Variants in EYA1 observed in about 807,000 individuals in gnomAD.
EYA1 encodes the protein protein phosphatase EYA1.
In EYA1, 16 loss-of-function variants were observed where a neutral mutation model predicts 82.0. The ratio of observed to expected loss-of-function variants is 0.20; its 90% CI spans 0.13 to 0.30. The LOEUF is 0.30. Ranked by LOEUF, EYA1 falls within the 10% of genes least tolerant of loss-of-function variation. The probability of loss-of-function intolerance (pLI) is 1.00; values close to 1 mark genes in which losing one functional copy is unlikely to be tolerated. For missense variants in EYA1, 633 were observed against 730.7 expected, an observed-to-expected ratio of 0.87 and a Z score of 1.54; for synonymous variants, 261 against 264.4, an observed-to-expected ratio of 0.99 and a Z score of 0.12.
intron 1 of EYA1, among the ~76,000 whole-genome samples, chr8:71,544,556 C>A (rs2129294260): frequency 6.6e-6 from 1 of 152,346 alleles, no homozygotes; most frequent in East Asian, 1.9e-4. Flanking sequence ...AATTTTTCTT[C>A]TGCACCAACA....
intron 9 of EYA1, among the ~76,000 whole-genome samples, chr8:71,291,476 T>G (rs371097429): frequency 4.0e-4 from 61 of 152,296 alleles, no homozygotes; most frequent in South Asian, 4.1e-4. Flanking sequence ...TCAGCACACG[T>G]GAAGGTAGAT....
intron 2 of EYA1, among the ~76,000 whole-genome samples, chr8:71,389,918 A>G (rs1829179904): frequency 6.6e-6 from 1 of 152,068 alleles, no homozygotes. Context: ...ATACATTTAT[A>G]TTTTTCTCCG....
chr8:71,368,853 A>C (rs1827912298), intron 2 of EYA1, among the ~76,000 whole-genome samples: 1 of 151,958 alleles, frequency 6.6e-6, no homozygotes, highest in Non-Finnish European at 1.5e-5. Context: ...CCCACGAATG[A>C]CTTATACGTG....
intron 2 of EYA1, among the ~76,000 whole-genome samples, chr8:71,452,140 A>G (rs1256346791): frequency 1.3e-5 from 2 of 152,218 alleles, no homozygotes; most frequent in Admixed American, 6.5e-5. Flanking sequence ...CATGGCTTGG[A>G]GGGTCCCACA....
chr8:71,357,164 G>A (rs533094781), intron 1 of EYA1, among the ~76,000 whole-genome samples: 6 of 152,240 alleles, frequency 3.9e-5, no homozygotes, highest in East Asian at 3.9e-4. Context: ...ATTTACCCTC[G>A]CCAATTTAAA....
intron 2 of EYA1, among the ~76,000 whole-genome samples, chr8:71,393,214 G>T (rs1241207361): frequency 6.6e-6 from 1 of 152,048 alleles, no homozygotes; most frequent in East Asian, 1.9e-4. Context: ...TCATAATTAT[G>T]CAAACATTGT....
intron 2 of EYA1, among the ~76,000 whole-genome samples, chr8:71,487,562 G>A (rs533651482): frequency 1.1e-4 from 16 of 152,176 alleles, no homozygotes; most frequent in African/African-American, 3.6e-4. Flanking sequence ...TCTACCAAAA[G>A]CTCAAGATCT....
chr8:71,301,542 T>C (rs543387105), intron 7 of EYA1, among the ~76,000 whole-genome samples: 2 of 152,326 alleles, frequency 1.3e-5, no homozygotes, highest in African/African-American at 4.8e-5. Context: ...CAAGCATCTA[T>C]GAACTTTAAA....
At chr8:71,272,988 T>C (rs1016049995) in intron 9 of EYA1, among the ~76,000 whole-genome samples, 3 of 152,180 alleles carry the variant, frequency 2.0e-5, no homozygotes, top group African/African-American at 7.2e-5. Context: ...CAGCCTCAAC[T>C]ATACCAATAA....
intron 2 of EYA1, among the ~76,000 whole-genome samples, chr8:71,487,044 T>C (rs1343437707): frequency 8.3e-6 from 1 of 120,044 alleles, no homozygotes; most frequent in Non-Finnish European, 1.9e-5. Context: ...CAAGATCACA[T>C]ACCTAATAAG....
chr8:71,450,138 G>C (rs376320867), intron 2 of EYA1, among the ~76,000 whole-genome samples: 1 of 152,254 alleles, frequency 6.6e-6, no homozygotes, highest in East Asian at 1.9e-4. Flanking sequence ...TATCATTCAT[G>C]GGTTCACTGA....
Position 71,293,502 on chromosome 8 carries a change from GAAT to G in EYA1, c.826+5542_826+5544del, listed in dbSNP as rs547775344. ...TACAAGATATGAAAACTAGAAACTA[GAAT>G]AATATTTCTCATGAACATAAATGCA... On this transcript the variant is annotated intron_variant, in intron 9 of 17. Coordinates refer to ENST00000340726, the MANE Select transcript of EYA1 (RefSeq NM_000503.6). 1.6e-4 allele frequency among the ~76,000 whole-genome samples: 24 copies of G among 152,036 alleles called. No homozygotes were observed. In the South Asian group the frequency reaches 4.8e-3, roughly 30 times the overall value.
intron 3 of EYA1, among the ~76,000 whole-genome samples, chr8:71,334,779 T>A (rs1042432307): frequency 1.3e-5 from 2 of 152,218 alleles, no homozygotes; most frequent in Non-Finnish European, 2.9e-5. Flanking sequence ...AAAACATAAC[T>A]GAATGTAAAT....
chr8:71,273,535 A>C (rs189225111), intron 9 of EYA1, among the ~76,000 whole-genome samples: 17 of 152,354 alleles, frequency 1.1e-4, no homozygotes, highest in African/African-American at 3.1e-4. Context: ...GCTCCAAATG[A>C]GTAGAATTTT....
chr8:71,317,753 C>A, intron 6 of EYA1, 64 bp from the exon 7 acceptor site: 1 of 1,473,786 alleles, frequency 6.8e-7, no homozygotes, highest in Admixed American at 1.7e-5. Context: ...TATACAAAAA[C>A]ATACACTTCC....
rs540895060 is a variant in EYA1, at chr8:71,406,476, C to T, written c.34-49965G>A. On this transcript the variant is annotated intron_variant, in intron 2 of 18. Transcript: ENST00000643681. ...CATCTGAGGTACCGGGTTCATCTCA[C>T]TAGGGAGTGCCAGACAGTGGGCGCA... Among the ~76,000 whole-genome samples, 15 of 152,316 alleles carry T rather than the reference C, an allele frequency of 9.8e-5. No individual in the cohort carries two copies. The South Asian group carries it at 2.5e-3, about 25-fold the overall frequency.
At chr8:71,430,963 T>C (rs1382309674) in intron 2 of EYA1, among the ~76,000 whole-genome samples, 3 of 151,628 alleles carry the variant, frequency 2.0e-5, no homozygotes, top group African/African-American at 7.3e-5. Context: ...TGGCTTTAAT[T>C]AAGTGGATAA....
At chr8:71,416,608 T>C (rs1036546619) in intron 2 of EYA1, among the ~76,000 whole-genome samples, 12 of 152,180 alleles carry the variant, frequency 7.9e-5, no homozygotes, top group African/African-American at 2.9e-4. Flanking sequence ...TGTGCAATCT[T>C]CCTAGGTGAT....
intron 12 of EYA1, among the ~76,000 whole-genome samples, chr8:71,242,871 G>A (rs1300359741): frequency 1.3e-5 from 2 of 148,908 alleles, no homozygotes; most frequent in Admixed American, 6.8e-5. Context: ...TCTGCCTCCC[G>A]GGCTCAAGTG....
Sources: gnomAD v4.1 joint callset for allele counts (sites outside exome capture counted in the v4.1 genomes callset) on GRCh38, gnomAD v4.1.1 for gene constraint, MANE v1.5 for transcripts, NCBI Gene and HGNC (gene_info 2026-07-23, HGNC 2026-07-21) for gene names.